TRIO: variants seen among roughly 807,000 people sequenced by gnomAD.
The protein encoded by TRIO is triple functional domain protein.
Under a neutral mutation model 351.9 loss-of-function variants are expected in TRIO, and 58 were observed. The observed-to-expected ratio is 0.16, with a 90% confidence interval of 0.13 to 0.21. The LOEUF is 0.21. Ranked by LOEUF, TRIO falls within the 10% of genes least tolerant of loss-of-function variation. The probability of loss-of-function intolerance (pLI) is 1.00; values close to 1 mark genes in which losing one functional copy is unlikely to be tolerated. For synonymous variants in TRIO, 1,758 were observed against 1,595.7 expected (o/e 1.10, Z -2.42); for missense variants, 3,201 against 4,027.8 (o/e 0.79, Z 5.56).
intron 1 of TRIO, among the ~76,000 whole-genome samples, chr5:14,166,592 C>T (rs164522): frequency 0.044 from 6,661 of 152,160 alleles, 515 homozygotes; most frequent in African/African-American, 0.15. Context: ...CCTACTCATC[C>T]CTCTGCCCCG....
In TRIO at chr5:14,398,983, C is replaced by T. The variant is rs768579145; in HGVS notation, c.4527C>T (p.Leu1509=). Residue 1509 remains leucine (L), a synonymous_variant, in exon 30 of 57, where the codon CTC becomes CTT. Transcript: ENST00000344204. ...TLIRKGRERH[L]FLFEMSLVFS... is the part of the protein sequence containing the mutation. ...TTCGAAAGGGTCGAGAACGGCATCTCTTCCTTTTTGAAATGTCCTTAGTAT... is the reference window on the plus strand; with the variant it reads ...TTCGAAAGGGTCGAGAACGGCATCTTTTCCTTTTTGAAATGTCCTTAGTAT... 5 of 1,614,130 alleles carry T rather than the reference C, an allele frequency of 3.1e-6. No individual in the cohort carries two copies. Among genetic ancestry groups the T allele is most frequent in the Non-Finnish European group, 4.2e-6 (5 of 1,180,004 alleles).
At chr5:14,321,023 T>C (rs943658693) in intron 9 of TRIO, among the ~76,000 whole-genome samples, 1 of 152,202 alleles carries the variant, frequency 6.6e-6, no homozygotes, top group African/African-American at 2.4e-5. Flanking sequence ...TGTGCAAATT[T>C]GAGTGTTCCT....
chr5:14,211,595 T>TG (rs1791901345), intron 1 of TRIO, among the ~76,000 whole-genome samples: 1 of 150,632 alleles, frequency 6.6e-6, no homozygotes, highest in South Asian at 2.1e-4. Flanking sequence ...CAGTTGTTTT[T>TG]TTTTTTTTTT....
At chr5:14,437,367 C>T (rs1481301333) in intron 34 of TRIO, among the ~76,000 whole-genome samples, 1 of 152,142 alleles carries the variant, frequency 6.6e-6, no homozygotes, top group Admixed American at 6.5e-5. Context: ...TCTTCCCCAC[C>T]CACCTCGGGG....
chr5:14,286,761 A>G lies in TRIO; in HGVS notation c.348-110A>G, dbSNP rs1269405912. ...AGTGTGCTCCTTCCCCTGCCTCCGC[A>G]CGTGTCCAGCAGGGGAGGGAAGCTG... is the stretch of plus-strand genomic sequence containing the variant. On this transcript the variant is annotated intron_variant, in intron 3 of 56. Coordinates refer to ENST00000344204, the MANE Select transcript of TRIO (RefSeq NM_007118.4). This position sits in a 1 kb window ranked among gnomAD's most constrained non-coding sequence, Gnocchi z 4.4. 5 of 1,129,108 alleles carry G rather than the reference A, an allele frequency of 4.4e-6. No homozygotes were observed. The highest frequency in any genetic ancestry group is 6.3e-6 in the Non-Finnish European group (5 of 795,692). 69.9% of individuals were successfully genotyped at this position (1,129,108 alleles called of 1,614,324 possible).
intron 7 of TRIO, among the ~76,000 whole-genome samples, chr5:14,299,156 A>G (rs531753151): frequency 5.9e-5 from 9 of 152,336 alleles, no homozygotes; most frequent in African/African-American, 2.2e-4. Context: ...TTTTCCTTCC[A>G]GTGTTTTATT....
intron 11 of TRIO, among the ~76,000 whole-genome samples, chr5:14,352,274 G>C (rs2152331941): frequency 6.6e-6 from 1 of 152,326 alleles, no homozygotes; most frequent in Admixed American, 6.5e-5. Flanking sequence ...ATGGCCTCCA[G>C]GGGGCAGCCT....
intron 21 of TRIO, among the ~76,000 whole-genome samples, chr5:14,382,776 G>A (rs749744939): frequency 1.2e-4 from 18 of 151,498 alleles, no homozygotes; most frequent in Non-Finnish European, 2.1e-4. Context: ...TTAGACATGG[G>A]ATCTTGCTCT....
At chr5:14,158,829 G>C (rs966632725) in intron 1 of TRIO, among the ~76,000 whole-genome samples, 10 of 152,180 alleles carry the variant, frequency 6.6e-5, no homozygotes, top group African/African-American at 2.4e-4. Context: ...ATGACACGCT[G>C]TCTCTTAAAT....
intron 18 of TRIO, 36 bp downstream of exon 18, chr5:14,369,559 A>G: frequency 1.3e-6 from 2 of 1,575,064 alleles, no homozygotes; most frequent in Non-Finnish European, 1.7e-6. Context: ...CACCCATCAG[A>G]GGCTTCCTGC....
intron 1 of TRIO, among the ~76,000 whole-genome samples, chr5:14,203,482 G>C (rs1303669591): frequency 6.6e-6 from 1 of 152,168 alleles, no homozygotes; most frequent in Admixed American, 6.5e-5. Context: ...ATGTTTCCTG[G>C]TCAGATATTT....
chr5:14,231,874 T>C (rs1388044530), intron 1 of TRIO, among the ~76,000 whole-genome samples: 1 of 151,164 alleles, frequency 6.6e-6, no homozygotes, highest in Non-Finnish European at 1.5e-5. Flanking sequence ...TGTTTTCTCA[T>C]ACTATCATAG....
chr5:14,488,452 C>G, intron 48 of TRIO, 192 bp downstream of exon 48: 1 of 770,472 alleles, frequency 1.3e-6, no homozygotes, highest in Non-Finnish European at 2.0e-6. Flanking sequence ...TTGCTTTGTT[C>G]GTGTCTTCTA....
At chr5:14,414,604 AT>A (rs1053248398) in intron 33 of TRIO, among the ~76,000 whole-genome samples, 6 of 150,790 alleles carry the variant, frequency 4.0e-5, no homozygotes, top group African/African-American at 1.2e-4. Context: ...TTTCTCACCG[AT>A]TTTTTTTTCT....
rs370830333 is a variant in TRIO at position 14,488,112 on chromosome 5, G to C, written c.7484G>C (p.Ser2495Thr). The change falls in exon 48 of 57, where the codon AGC (serine) becomes ACC (threonine). Residue 2495 changes from serine to threonine, a missense_variant. By Grantham distance (58) the Ser-to-Thr change is moderately conservative (BLOSUM62 1). This residue lies in a region of TRIO where 1,089 missense variants were observed against 954.9 expected (regional missense o/e 1.14). Transcript: ENST00000344204. ...AGCTCCATCCCCGCCTCCCCCGCCA[G>C]CCGACCCGGCTCCTTCACCTTCCCG... Reference protein sequence around the residue: ...FWSSIPASPASRPGSFTFPGD... With the variant: ...FWSSIPASPATRPGSFTFPGD... 6.2e-7 allele frequency: 1 copy of C among 1,609,350 alleles called. No homozygotes were observed. Among genetic ancestry groups the C allele is most frequent in the African/African-American group, 1.3e-5 (1 of 74,884 alleles).
chr5:14,433,354 C>G (rs1332025477), intron 34 of TRIO, among the ~76,000 whole-genome samples: 1 of 152,136 alleles, frequency 6.6e-6, no homozygotes, highest in East Asian at 1.9e-4. Flanking sequence ...GCAGGGGTTT[C>G]GTCATCCCTT....
chr5:14,218,553 GT>G, intron 1 of TRIO, among the ~76,000 whole-genome samples: 1 of 152,310 alleles, frequency 6.6e-6, no homozygotes, highest in East Asian at 1.9e-4. Flanking sequence ...AATAAGAGTA[GT>G]TTGTAACTGA....
chr5:14,145,543 C>T (rs554159053), intron 1 of TRIO, among the ~76,000 whole-genome samples: 1 of 151,972 alleles, frequency 6.6e-6, no homozygotes, highest in African/African-American at 2.4e-5. Flanking sequence ...AGAGCAGCCC[C>T]GTCTTACCTC....
In TRIO at chr5:14,322,287, G is replaced by A. The variant is rs1453089488; in HGVS notation, c.1731+5544G>A. On this transcript the variant is annotated intron_variant, in intron 9 of 56. Transcript: ENST00000344204. ...ATTTCTTTTAAAATGGGGGAGGGTTGGTCTTATATCTGGGAGATCTGCCTG... is the reference window on the plus strand; with the variant it reads ...ATTTCTTTTAAAATGGGGGAGGGTTAGTCTTATATCTGGGAGATCTGCCTG... Among the ~76,000 whole-genome samples the A allele has an allele frequency of 2.0e-5, 3 of 152,274 alleles. No homozygotes were observed. In the East Asian group the frequency reaches 5.8e-4, roughly 29 times the overall value.
Sources: gnomAD v4.1 joint callset for allele counts (sites outside exome capture counted in the v4.1 genomes callset) on GRCh38, gnomAD v4.1.1 for gene constraint, gnomAD v4.1.1 regional missense constraint, Gnocchi (gnomAD v3.1) non-coding constraint, MANE v1.5 for transcripts, NCBI Gene and HGNC (gene_info 2026-07-23, HGNC 2026-07-21) for gene names.